ARB2A: variants seen among roughly 807,000 people sequenced by gnomAD.
The protein encoded by ARB2A is cotranscriptional regulator ARB2A.
At chr5:94,053,334 G>T in the ARB2A span, 1 of 631,814 alleles carries the variant, frequency 1.6e-6, no homozygotes, top group Non-Finnish European at 2.6e-6. Context: ...TAATTTTTAT[G>T]TGTTGCTTTA....
At chr5:93,728,040 T>C in the ARB2A span, among the ~76,000 whole-genome samples, 1 of 152,108 alleles carries the variant, frequency 6.6e-6, no homozygotes, top group African/African-American at 2.4e-5. Context: ...TATTCACAGA[T>C]GGAAGCAACA....
chr5:93,892,678 T>C, the ARB2A span, among the ~76,000 whole-genome samples: 5 of 152,192 alleles, frequency 3.3e-5, no homozygotes, highest in Admixed American at 6.6e-5. Context: ...GAATTTCCTA[T>C]TTGAAATAGA....
the ARB2A span, among the ~76,000 whole-genome samples, chr5:93,937,039 A>G: frequency 6.8e-6 from 1 of 146,410 alleles, no homozygotes; most frequent in Non-Finnish European, 1.5e-5. Context: ...CTCCCGGGTT[A>G]ATTTTTTGTA....
the ARB2A span, among the ~76,000 whole-genome samples, chr5:93,926,582 C>T: frequency 6.6e-6 from 1 of 151,830 alleles, no homozygotes; most frequent in Admixed American, 6.6e-5. Flanking sequence ...TGTAGTAAAA[C>T]TCTTTTTCTG....
the ARB2A span, among the ~76,000 whole-genome samples, chr5:93,890,829 G>A: frequency 2.0e-5 from 3 of 152,066 alleles, no homozygotes; most frequent in African/African-American, 7.2e-5. Flanking sequence ...ACACTGGTTC[G>A]TTTATTCCCC....
chr5:94,075,200 T>C, the ARB2A span, among the ~76,000 whole-genome samples: 4 of 152,078 alleles, frequency 2.6e-5, no homozygotes, highest in Non-Finnish European at 4.4e-5. Flanking sequence ...TCAGAATGTC[T>C]TCCTTCTGGA....
At chr5:93,971,356 T>C in the ARB2A span, among the ~76,000 whole-genome samples, 1 of 151,966 alleles carries the variant, frequency 6.6e-6, no homozygotes, top group African/African-American at 2.4e-5. Flanking sequence ...TCACCTGAGA[T>C]CAGGCGTTCG....
At chr5:93,754,342 G>A in the ARB2A span, among the ~76,000 whole-genome samples, 6 of 152,124 alleles carry the variant, frequency 3.9e-5, no homozygotes, top group African/African-American at 1.4e-4. Context: ...CTCTGTGTGG[G>A]ACCTTCATCT....
At chr5:93,933,508 T>C in the ARB2A span, among the ~76,000 whole-genome samples, 52 of 152,220 alleles carry the variant, frequency 3.4e-4, no homozygotes, top group East Asian at 1.2e-3. Flanking sequence ...TGCAGGGACA[T>C]GAATGAAGCT....
At chr5:93,929,779 T>C in the ARB2A span, among the ~76,000 whole-genome samples, 1 of 152,138 alleles carries the variant, frequency 6.6e-6, no homozygotes, top group Non-Finnish European at 1.5e-5. Flanking sequence ...CTACATAAAT[T>C]CAAAATTATT....
the ARB2A span, among the ~76,000 whole-genome samples, chr5:93,960,712 T>C: frequency 2.0e-5 from 3 of 152,236 alleles, no homozygotes; most frequent in Admixed American, 6.5e-5. Context: ...TCAGAAAGCA[T>C]ATACTGAAGA....
At chr5:94,072,219 T>C in the ARB2A span, among the ~76,000 whole-genome samples, 5 of 152,082 alleles carry the variant, frequency 3.3e-5, no homozygotes, top group Admixed American at 2.6e-4. Flanking sequence ...AGAGATGAAG[T>C]TGGCAGTTGG....
the ARB2A span, among the ~76,000 whole-genome samples, chr5:93,956,714 T>C: frequency 3.3e-5 from 5 of 151,218 alleles, no homozygotes; most frequent in African/African-American, 4.9e-5. Context: ...AGCTTCTTAT[T>C]CCCTGTTTAT....
chr5:93,630,938 G>C, the ARB2A span, among the ~76,000 whole-genome samples: 70 of 152,128 alleles, frequency 4.6e-4, no homozygotes, highest in African/African-American at 1.6e-3. Flanking sequence ...TGTCACCCAG[G>C]CTGGAGTGCA....
At chr5:93,919,693 A>G in the ARB2A span, among the ~76,000 whole-genome samples, 1 of 152,174 alleles carries the variant, frequency 6.6e-6, no homozygotes, top group Non-Finnish European at 1.5e-5. Context: ...TCCAATTTCT[A>G]TTAGGTATCT....
the ARB2A span, among the ~76,000 whole-genome samples, chr5:93,638,665 CAA>C: frequency 3.9e-5 from 5 of 127,522 alleles, no homozygotes; most frequent in African/African-American, 5.7e-5. Context: ...TACAAAAATA[CAA>C]AAAAAAAAAA....
chr5:93,913,318 A>T, the ARB2A span, among the ~76,000 whole-genome samples: 1 of 151,916 alleles, frequency 6.6e-6, no homozygotes, highest in African/African-American at 2.4e-5. Flanking sequence ...AGTGCTGTGA[A>T]CTGTCTTCAC....
At chr5:93,978,755 A>G in the ARB2A span, among the ~76,000 whole-genome samples, 1 of 152,136 alleles carries the variant, frequency 6.6e-6, no homozygotes, top group Non-Finnish European at 1.5e-5. Context: ...AAACCTGCAC[A>G]TGTACCCACT....
the ARB2A span, among the ~76,000 whole-genome samples, chr5:94,108,850 C>T: frequency 6.6e-6 from 1 of 151,780 alleles, no homozygotes; most frequent in Admixed American, 6.6e-5. Flanking sequence ...TGTGTCAATT[C>T]CTCGAAAAAA....
Sources: allele counts gnomAD v4.1 joint callset (sites outside exome capture counted in the v4.1 genomes callset), GRCh38; gene constraint gnomAD v4.1.1; transcripts MANE v1.5; gene names NCBI Gene and HGNC (gene_info 2026-07-23, HGNC 2026-07-21).